Variants in NTRK3 observed in about 807,000 individuals in gnomAD.
NTRK3 encodes NT-3 growth factor receptor.
NTRK3 carries 24 observed loss-of-function variants against 91.7 expected under a neutral mutation model. The ratio of observed to expected loss-of-function variants is 0.26; its 90% CI spans 0.19 to 0.37. NTRK3 has a LOEUF of 0.37. Among genes scored for constraint, NTRK3 ranks in the 10% least tolerant of loss-of-function variants. The probability of loss-of-function intolerance (pLI) is 1.00; values close to 1 mark genes in which losing one functional copy is unlikely to be tolerated. For synonymous variants in NTRK3, 483 were observed against 404.0 expected, an observed-to-expected ratio of 1.20 and a Z score of -2.34; for missense variants, 880 against 1,068.9, an observed-to-expected ratio of 0.82 and a Z score of 2.46.
chr15:88,027,110 G>A (rs1475950372), intron 14 of NTRK3, among the ~76,000 whole-genome samples: 2 of 152,064 alleles, frequency 1.3e-5, no homozygotes, highest in Non-Finnish European at 2.9e-5. Context: ...ATCACTAGAA[G>A]TCTAGGCAAC....
chr15:88,234,957 G>A lies in NTRK3; in HGVS notation c.248+20949C>T, dbSNP rs140350744. On this transcript the variant is annotated intron_variant, in intron 3 of 18. Transcript: ENST00000394480. This position sits in a 1 kb window ranked among gnomAD's most constrained non-coding sequence, Gnocchi z 6.1. ...ACCTGAGAGGCGTTGCACTGGCTACGCCCTGGGCCTGGAAACTTCTGGCTC... is the reference window on the plus strand; with the variant it reads ...ACCTGAGAGGCGTTGCACTGGCTACACCCTGGGCCTGGAAACTTCTGGCTC... 2.6e-5 allele frequency among the ~76,000 whole-genome samples: 4 copies of A among 152,100 alleles called. No homozygotes were observed. The highest frequency in any genetic ancestry group is 1.9e-4 in the East Asian group (1 of 5,136).
At chr15:88,043,744 A>G (rs536385927) in intron 13 of NTRK3, among the ~76,000 whole-genome samples, 2 of 152,334 alleles carry the variant, frequency 1.3e-5, no homozygotes, top group South Asian at 4.1e-4. Flanking sequence ...AGTTCTTTCA[A>G]ATTAAAGTGA....
At chr15:88,005,755 C>T (rs1466002598) in intron 14 of NTRK3, among the ~76,000 whole-genome samples, 3 of 152,288 alleles carry the variant, frequency 2.0e-5, no homozygotes, top group African/African-American at 7.2e-5. Context: ...CCCATCTACC[C>T]CAACAACTAC....
chr15:87,931,849 T>C (rs2068824447), intron 16 of NTRK3, among the ~76,000 whole-genome samples: 1 of 152,204 alleles, frequency 6.6e-6, no homozygotes, highest in Non-Finnish European at 1.5e-5. Context: ...TTAGCAGTTT[T>C]TGGTGAGTGG....
At chr15:88,242,855 C>T (rs1038404692) in intron 3 of NTRK3, among the ~76,000 whole-genome samples, 6 of 152,264 alleles carry the variant, frequency 3.9e-5, no homozygotes, top group African/African-American at 1.4e-4. Context: ...TCAGCATTCA[C>T]TGTGGGCTGC....
chr15:87,987,212 C>A (rs1359931368), intron 14 of NTRK3, among the ~76,000 whole-genome samples: 1 of 152,214 alleles, frequency 6.6e-6, no homozygotes, highest in Non-Finnish European at 1.5e-5. Flanking sequence ...GAATCCTTAA[C>A]ATAATTCTAT....
intron 13 of NTRK3, among the ~76,000 whole-genome samples, chr15:88,099,670 G>C (rs2049976921): frequency 6.6e-6 from 1 of 152,200 alleles, no homozygotes; most frequent in Admixed American, 6.5e-5. Flanking sequence ...CCTCAGAGAA[G>C]TCACTTGATC....
At chr15:87,966,339 A>G (rs2072792169) in intron 14 of NTRK3, among the ~76,000 whole-genome samples, 1 of 152,206 alleles carries the variant, frequency 6.6e-6, no homozygotes, top group Admixed American at 6.5e-5. Context: ...GCCCTGCGAA[A>G]TTGATCTTCA....
chr15:87,998,456 C>G (rs2075863602), intron 14 of NTRK3, among the ~76,000 whole-genome samples: 2 of 152,234 alleles, frequency 1.3e-5, no homozygotes, highest in Non-Finnish European at 2.9e-5. Flanking sequence ...AGTGGCGATG[C>G]CAGCTTCAGA....
intron 17 of NTRK3, among the ~76,000 whole-genome samples, chr15:87,919,056 G>C (rs1270061906): frequency 6.6e-6 from 1 of 152,164 alleles, no homozygotes; most frequent in African/African-American, 2.4e-5. Flanking sequence ...TAGTTTCCAT[G>C]CAGTGGCAGA....
At chr15:88,049,863 G>A (rs1596990063) in intron 13 of NTRK3, among the ~76,000 whole-genome samples, 1 of 152,226 alleles carries the variant, frequency 6.6e-6, no homozygotes, top group African/African-American at 2.4e-5. Context: ...CAATGATTAT[G>A]CATCTCTGCA....
intron 13 of NTRK3, among the ~76,000 whole-genome samples, chr15:88,108,920 A>C (rs905904667): frequency 6.6e-6 from 1 of 152,220 alleles, no homozygotes; most frequent in African/African-American, 2.4e-5. Flanking sequence ...GGAGCTATGA[A>C]GGAGAGAATT....
At chr15:87,903,258 C>G (rs1314143363) in intron 17 of NTRK3, among the ~76,000 whole-genome samples, 3 of 152,228 alleles carry the variant, frequency 2.0e-5, no homozygotes, top group Non-Finnish European at 4.4e-5. Flanking sequence ...ATATGAATTT[C>G]TCATGAGTCA....
At chr15:88,056,752 T>C (rs1232687257) in intron 13 of NTRK3, among the ~76,000 whole-genome samples, 4 of 152,198 alleles carry the variant, frequency 2.6e-5, no homozygotes, top group Non-Finnish European at 4.4e-5. Flanking sequence ...TATCTCCCCA[T>C]TGGGGTGACT....
intron 13 of NTRK3, among the ~76,000 whole-genome samples, chr15:88,074,905 T>C (rs2047400055): frequency 6.6e-6 from 1 of 152,160 alleles, no homozygotes; most frequent in Non-Finnish European, 1.5e-5. Context: ...TCACCTATGA[T>C]AGTTATTGGA....
intron 17 of NTRK3, chr15:87,916,648 A>G: frequency 1.4e-6 from 1 of 692,686 alleles, no homozygotes; most frequent in Non-Finnish European, 2.6e-6. Context: ...ACCCTCAGAA[A>G]TAGGTTATTA....
chr15:87,984,107 T>C (rs2074530559), intron 14 of NTRK3, among the ~76,000 whole-genome samples: 1 of 151,992 alleles, frequency 6.6e-6, no homozygotes, highest in Non-Finnish European at 1.5e-5. Context: ...GAACGTGAGG[T>C]AGTAATGAGT....
At chr15:88,089,938 C>T (rs1267590515) in intron 13 of NTRK3, among the ~76,000 whole-genome samples, 2 of 152,198 alleles carry the variant, frequency 1.3e-5, no homozygotes, top group Non-Finnish European at 2.9e-5. Context: ...AACTCACTGG[C>T]TTAATCTGCT....
At chr15:88,156,859 A>T (rs1312535493) in intron 5 of NTRK3, among the ~76,000 whole-genome samples, 2 of 152,072 alleles carry the variant, frequency 1.3e-5, no homozygotes, top group Non-Finnish European at 2.9e-5. Context: ...GTGCTCAAAG[A>T]ACGTATGGAA....
Sources: gnomAD v4.1 joint callset for allele counts (sites outside exome capture counted in the v4.1 genomes callset) on GRCh38, gnomAD v4.1.1 for gene constraint, Gnocchi (gnomAD v3.1) non-coding constraint, MANE v1.5 for transcripts, NCBI Gene and HGNC (gene_info 2026-07-23, HGNC 2026-07-21) for gene names.